Variants in FAM98A observed in about 807,000 individuals in gnomAD.
FAM98A encodes the protein protein FAM98A.
Under a neutral mutation model 62.9 loss-of-function variants are expected in FAM98A, and 25 were observed. The ratio of observed to expected loss-of-function variants is 0.40; its 90% CI spans 0.29 to 0.56. The LOEUF is 0.56. Among genes scored for constraint, FAM98A ranks in the 20% least tolerant of loss-of-function variants. The pLI, the probability that FAM98A is intolerant of heterozygous loss-of-function variation, is 0.51. For synonymous variants in FAM98A, 252 were observed against 228.6 expected, an observed-to-expected ratio of 1.10 and a Z score of -0.92; for missense variants, 653 against 640.7, an observed-to-expected ratio of 1.02 and a Z score of -0.21.
chr2:33,589,426 T>C lies in FAM98A; in HGVS notation c.338-907A>G, dbSNP rs1247730078. On this transcript the variant is annotated intron_variant, in intron 3 of 7. Transcript: ENST00000238823. ...GTTATGTGACAAAGTGAGATTCTTC[T>C]GACAATATAACAAAACCAGTTTTGG... 2.0e-5 allele frequency: 3 copies of C among 152,220 alleles called. No individual in the cohort carries two copies. The East Asian group carries it at 5.8e-4, about 29-fold the overall frequency. The allele number at this position is 152,220 out of a possible 1,614,324, so 9.4% of individuals were successfully genotyped here.
chr2:33,588,275 T>C, intron 4 of FAM98A, 60 bp downstream of exon 4: 1 of 1,303,480 alleles, frequency 7.7e-7, no homozygotes, highest in Non-Finnish European at 1.1e-6. Flanking sequence ...AATTGCTTCA[T>C]TTCAAACAAA....
At position 33,584,117 on chromosome 2, in the gene FAM98A, G is replaced by A. The variant is rs1677478723; in HGVS notation, c.*659C>T. The A allele has an allele frequency of 6.6e-6, 1 of 152,624 alleles. No individual in the cohort carries two copies. The highest frequency in any genetic ancestry group is 6.5e-5 in the Admixed American group (1 of 15,276). The allele number at this position is 152,624 out of a possible 1,614,324, so 9.5% of individuals were successfully genotyped here. ...ACATGTACTATAGCTTCACAACTTAGTTTGCTTTTATAATCTTTATGGATT... is the reference window on the plus strand; with the variant it reads ...ACATGTACTATAGCTTCACAACTTAATTTGCTTTTATAATCTTTATGGATT... On this transcript the variant is annotated 3_prime_UTR_variant, in exon 8 of 8. Transcript: ENST00000238823.
At chr2:33,586,879 T>C (rs1031641301) in intron 5 of FAM98A, 1 of 570,656 alleles carries the variant, frequency 1.8e-6, no homozygotes, top group African/African-American at 1.9e-5. Context: ...ATGAAGAGTA[T>C]GTGAAGTACA....
chr2:33,587,693 C>G, intron 4 of FAM98A: 1 of 216,832 alleles, frequency 4.6e-6, no homozygotes, highest in South Asian at 8.4e-5. Context: ...TGTACCAATT[C>G]TTAAGAGTCC....
At chr2:33,592,898 T>C (rs189408458) in intron 2 of FAM98A, among the ~76,000 whole-genome samples, 1 of 152,224 alleles carries the variant, frequency 6.6e-6, no homozygotes, top group African/African-American at 2.4e-5. Context: ...GTCCCATGAA[T>C]AGCCAGTCTT....
intron 3 of FAM98A, 177 bp downstream of exon 3, chr2:33,591,903 C>T: frequency 2.0e-6 from 1 of 505,530 alleles, no homozygotes; most frequent in Non-Finnish European, 3.5e-6. Context: ...AATAATGCTA[C>T]CAGTGCACAC....
At chr2:33,589,310 T>C (rs1252523857) in intron 3 of FAM98A, 1 of 152,198 alleles carries the variant, frequency 6.6e-6, no homozygotes, top group African/African-American at 2.4e-5. Context: ...GTTGAAGGTA[T>C]AAATATTCAA....
At chr2:33,593,097 G>T (rs527606835) in intron 2 of FAM98A, among the ~76,000 whole-genome samples, 67 of 152,158 alleles carry the variant, frequency 4.4e-4, no homozygotes, top group Non-Finnish European at 8.2e-4. Flanking sequence ...ACCACAAAGT[G>T]GTTCAGCATT....
At chr2:33,597,903 C>G (rs1475648621) in intron 1 of FAM98A, among the ~76,000 whole-genome samples, 1 of 152,154 alleles carries the variant, frequency 6.6e-6, no homozygotes, top group Non-Finnish European at 1.5e-5. Context: ...TAAAAAAGTC[C>G]TAATGAATGA....
In FAM98A at chr2:33,587,464, A is replaced by AC. The variant is rs1035816856; in HGVS notation, c.523-145dup. ...ATGTTTTGAAATGCAAATGTAAAAGACCCACAAGATAAAGACACTCACTGG... is the reference window on the plus strand; with the variant it reads ...ATGTTTTGAAATGCAAATGTAAAAGACCCCACAAGATAAAGACACTCACTGG... On this transcript the variant is annotated intron_variant, in intron 4 of 7. Transcript: ENST00000238823. 4.5e-6 allele frequency: 3 copies of AC among 662,424 alleles called. No individual in the cohort carries two copies. In the African/African-American group the frequency reaches 5.4e-5, roughly 12 times the overall value. 41.0% of individuals were successfully genotyped at this position (662,424 alleles called of 1,614,324 possible). A position where few individuals can be genotyped will look rare whatever the true frequency, so the allele number is the denominator to read the frequency against.
At position 33,599,192 on chromosome 2, in the gene FAM98A, G is replaced by A. The variant is rs752243570; in HGVS notation, c.30C>T (p.Ile10=). Residue 10 remains isoleucine, a synonymous_variant, in exon 1 of 8, where the codon ATC becomes ATT. Coordinates refer to ENST00000238823, the MANE Select transcript of FAM98A (RefSeq NM_015475.5). ...ACCCTAGATCTTCCAACGACTCCAAGATGTCAGTCTCCATGAGGTCACACT... is the reference window on the plus strand; with the variant it reads ...ACCCTAGATCTTCCAACGACTCCAAAATGTCAGTCTCCATGAGGTCACACT... The part of the protein sequence containing the change: MECDLMETD[I]LESLEDLGYK... 6.8e-6 allele frequency: 11 copies of A among 1,613,888 alleles called. No individual in the cohort carries two copies. The highest frequency in any genetic ancestry group is 1.6e-4 in the Middle Eastern group (1 of 6,082).
intron 1 of FAM98A, among the ~76,000 whole-genome samples, chr2:33,598,555 A>C (rs1011469614): frequency 6.6e-6 from 1 of 152,242 alleles, no homozygotes; most frequent in Non-Finnish European, 1.5e-5. Flanking sequence ...ATGGGGCTCA[A>C]CGAGGCAGAG....
intron 3 of FAM98A, 42 bp downstream of exon 3, chr2:33,592,037 TA>T: frequency 6.5e-7 from 1 of 1,549,790 alleles, no homozygotes; most frequent in Non-Finnish European, 8.8e-7. Context: ...ATGGAAAACA[TA>T]AACAGAAAGT....
chr2:33,597,679 T>C (rs560743930), intron 1 of FAM98A, among the ~76,000 whole-genome samples: 1 of 152,218 alleles, frequency 6.6e-6, no homozygotes, highest in Non-Finnish European at 1.5e-5. Flanking sequence ...CTACATTTAA[T>C]AAGGTCTACC....
intron 3 of FAM98A, chr2:33,591,823 C>T (rs941477569): frequency 9.9e-6 from 3 of 304,250 alleles, no homozygotes; most frequent in Non-Finnish European, 1.8e-5. Flanking sequence ...CCAGTGATCA[C>T]ATTAGGAGAA....
chr2:33,595,028 T>C (rs570142950), intron 2 of FAM98A, among the ~76,000 whole-genome samples: 10 of 152,366 alleles, frequency 6.6e-5, no homozygotes, highest in African/African-American at 2.4e-4. Flanking sequence ...TGCATTCTTA[T>C]GATAAACAAA....
chr2:33,588,483 A>T lies in FAM98A; in HGVS notation c.374T>A (p.Leu125His). Residue 125 changes from leucine to histidine, a missense_variant, in exon 4 of 8, where the codon CTC (leucine) becomes CAC (histidine). Coordinates refer to ENST00000238823, the MANE Select transcript of FAM98A (RefSeq NM_015475.5). ...TTTTTTTGGAGGAGCATTCACACAG[A>T]GCATTCTGGCAGCTTCTAGTTCTGA... Reference protein sequence around the residue: ...LISELEAARMLCVNAPPKKAQ... With the variant: ...LISELEAARMHCVNAPPKKAQ... 1 of 1,613,700 alleles carries T rather than the reference A, an allele frequency of 6.2e-7. No homozygotes were observed. The highest frequency in any genetic ancestry group is 8.5e-7 in the Non-Finnish European group (1 of 1,179,788).
In FAM98A at chr2:33,587,285, A is replaced by T. The variant is rs927184259; in HGVS notation, c.558T>A (p.His186Gln). 1.2e-5 allele frequency: 20 copies of T among 1,613,554 alleles called. No homozygotes were observed. The highest frequency in any genetic ancestry group is 1.7e-5 in the Non-Finnish European group (20 of 1,179,484). Reference sequence around the variant, plus strand: ...GCTTCTTCAGTAAAGGCTTTCCCACATGATTAGGTGGAACTTTTGCTAATG... The same window carrying T: ...GCTTCTTCAGTAAAGGCTTTCCCACTTGATTAGGTGGAACTTTTGCTAATG... ...KETLAKVPPN[H>Q]VGKPLLKKPM... The change falls in exon 5 of 8, where the codon CAT (histidine) becomes CAA (glutamine). Residue 186 changes from histidine (H) to glutamine (Q), a missense_variant. His to Gln is a conservative substitution (Grantham distance 24). Coordinates refer to ENST00000238823, the MANE Select transcript of FAM98A (RefSeq NM_015475.5).
chr2:33,584,713 T>C lies in FAM98A; in HGVS notation c.*63A>G. ...ACATTAATTCAAAATAGGTGCTGAA[T>C]TCAGGATTCTGAAACTAAGTTTCTA... On this transcript the variant is annotated 3_prime_UTR_variant, in exon 8 of 8. Coordinates refer to ENST00000238823, the MANE Select transcript of FAM98A (RefSeq NM_015475.5). 1 of 1,426,934 alleles carries C rather than the reference T, an allele frequency of 7.0e-7. No homozygotes were observed. Among genetic ancestry groups the C allele is most frequent in the Non-Finnish European group, 9.6e-7 (1 of 1,045,136 alleles). The allele number at this position is 1,426,934 out of a possible 1,614,324, so 88.4% of individuals were successfully genotyped here.
Sources: gnomAD v4.1 joint callset for allele counts (sites outside exome capture counted in the v4.1 genomes callset) on GRCh38, gnomAD v4.1.1 for gene constraint, MANE v1.5 for transcripts, NCBI Gene and HGNC (gene_info 2026-07-23, HGNC 2026-07-21) for gene names.